ACACA: variants seen among roughly 807,000 people sequenced by gnomAD.
The protein encoded by ACACA is acetyl-CoA carboxylase 1.
In ACACA, 103 loss-of-function variants were observed where a neutral mutation model predicts 296.1. The observed-to-expected ratio is 0.35, with a 90% CI of 0.30 to 0.41. The LOEUF (loss-of-function observed/expected upper bound fraction) is 0.41. ACACA is among the 10% of genes least tolerant of loss of function. ACACA has a pLI of 1.00. For synonymous variants in ACACA, 953 were observed against 1,038.6 expected, an observed-to-expected ratio of 0.92 and a Z score of 1.58; for missense variants, 1,554 against 2,989.7, an observed-to-expected ratio of 0.52 and a Z score of 11.20.
chr17:37,294,124 GA>G (rs202223427), intron 3 of ACACA, among the ~76,000 whole-genome samples: 26 of 142,984 alleles, frequency 1.8e-4, no homozygotes, highest in East Asian at 2.0e-4. Flanking sequence ...CTCATTCGTT[GA>G]AAAAAAAAAA....
At chr17:37,270,623 A>G in intron 10 of ACACA, 128 bp downstream of exon 10, 1 of 731,474 alleles carries the variant, frequency 1.4e-6, no homozygotes, top group Non-Finnish European at 2.3e-6. Flanking sequence ...ACTAGAGAGA[A>G]AGACAGTTAG....
intron 3 of ACACA, among the ~76,000 whole-genome samples, chr17:37,321,056 C>T (rs1243506455): frequency 2.0e-5 from 3 of 151,912 alleles, no homozygotes; most frequent in Admixed American, 1.3e-4. Flanking sequence ...GCAGAGTATC[C>T]GGCATACAGT....
chr17:37,252,152 G>T, intron 15 of ACACA, 44 bp from the exon 16 acceptor site: 1 of 1,477,174 alleles, frequency 6.8e-7, no homozygotes, highest in Non-Finnish European at 9.5e-7. Context: ...ATGGTCACTT[G>T]GCACCACAGC....
At chr17:37,358,567 C>T (rs2049251619) in intron 1 of ACACA, among the ~76,000 whole-genome samples, 1 of 152,238 alleles carries the variant, frequency 6.6e-6, no homozygotes, top group African/African-American at 2.4e-5. Context: ...TCAATGCAAT[C>T]AGACCCAACC....
intron 50 of ACACA, among the ~76,000 whole-genome samples, chr17:37,119,203 A>T (rs1377050763): frequency 3.3e-5 from 5 of 152,194 alleles, no homozygotes; most frequent in Admixed American, 3.3e-4. Flanking sequence ...TCCCTTTGAT[A>T]TACTACTACC....
At chr17:37,253,497 G>A (rs1326863290) in intron 14 of ACACA, among the ~76,000 whole-genome samples, 1 of 152,338 alleles carries the variant, frequency 6.6e-6, no homozygotes, top group East Asian at 1.9e-4. Context: ...GGGTGCACAT[G>A]TCAAGTGTGC....
chr17:37,399,606 T>A (rs1200979700), intron 1 of ACACA, among the ~76,000 whole-genome samples: 1 of 151,046 alleles, frequency 6.6e-6, no homozygotes, highest in Non-Finnish European at 1.5e-5. Flanking sequence ...GTTCACCTAA[T>A]TTTTTGGGTT....
At chr17:37,088,863 T>A in intron 55 of ACACA, 75 bp downstream of exon 55, 1 of 1,558,786 alleles carries the variant, frequency 6.4e-7, no homozygotes. Flanking sequence ...GATCATCTCA[T>A]GATTTGTTTG....
At chr17:37,327,609 G>A (rs180830028) in intron 3 of ACACA, among the ~76,000 whole-genome samples, 330 of 152,326 alleles carry the variant, frequency 2.2e-3, no homozygotes, top group African/African-American at 7.7e-3. Context: ...ACTGCCTTGT[G>A]ATATCACTAG....
At chr17:37,279,877 T>C (rs1033316626) in intron 5 of ACACA, among the ~76,000 whole-genome samples, 2 of 152,278 alleles carry the variant, frequency 1.3e-5, no homozygotes, top group Admixed American at 6.5e-5. Flanking sequence ...TTTTGGTATA[T>C]ATATGTTTAA....
chr17:37,243,347 A>T, intron 22 of ACACA, 24 bp downstream of exon 22: 1 of 1,609,928 alleles, frequency 6.2e-7, no homozygotes, highest in South Asian at 1.1e-5. Flanking sequence ...GCCAGAAAAA[A>T]ATATAGTGTT....
chr17:37,312,229 A>G (rs769970649), intron 3 of ACACA, among the ~76,000 whole-genome samples: 2 of 152,244 alleles, frequency 1.3e-5, no homozygotes, highest in Non-Finnish European at 2.9e-5. Flanking sequence ...AAGGACATAA[A>G]GATGGAAAGT....
At chr17:37,356,210 C>A (rs2049134563) in intron 1 of ACACA, among the ~76,000 whole-genome samples, 3 of 151,970 alleles carry the variant, frequency 2.0e-5, no homozygotes, top group Admixed American at 6.6e-5. Context: ...AAGCAAAAAA[C>A]CAGTTAATAA....
At chr17:37,266,901 T>C (rs918702328) in intron 10 of ACACA, among the ~76,000 whole-genome samples, 1 of 152,196 alleles carries the variant, frequency 6.6e-6, no homozygotes, top group Non-Finnish European at 1.5e-5. Flanking sequence ...ATGGATCTTT[T>C]TTCCAGACTC....
chr17:37,137,200 A>G (rs1471866556), intron 45 of ACACA, among the ~76,000 whole-genome samples: 1 of 151,740 alleles, frequency 6.6e-6, no homozygotes, highest in Non-Finnish European at 1.5e-5. Flanking sequence ...TTTTCTAAAG[A>G]TGGAAAACTT....
rs978466834 is a variant in ACACA at position 37,112,025 on chromosome 17, A to T, written c.6453-382T>A. ...ACCTCCATCACGTAGGATGTACAATAATGAAGGGCAATACTTCATCAATAC... is the reference window on the plus strand; with the variant it reads ...ACCTCCATCACGTAGGATGTACAATTATGAAGGGCAATACTTCATCAATAC... On this transcript the variant is annotated intron_variant, in intron 51 of 55. Coordinates refer to ENST00000616317, the MANE Select transcript of ACACA (RefSeq NM_198834.3). Among the ~76,000 whole-genome samples the T allele has an allele frequency of 2.0e-5, 3 of 146,452 alleles. No individual in the cohort carries two copies. In the East Asian group the frequency reaches 6.1e-4, roughly 30 times the overall value.
intron 41 of ACACA, among the ~76,000 whole-genome samples, chr17:37,174,520 AT>A (rs908817876): frequency 2.2e-4 from 33 of 150,916 alleles, no homozygotes; most frequent in South Asian, 4.2e-4. Context: ...ATTGCATTCA[AT>A]TTTTTTTTCT....
chr17:37,088,597 G>A lies in ACACA; in HGVS notation c.7028+341C>T, dbSNP rs534868042. Among the ~76,000 whole-genome samples the A allele has an allele frequency of 4.4e-4, 67 of 152,310 alleles. 1 individual carries two copies. The South Asian group carries it at 0.012, about 27-fold the overall frequency. On this transcript the variant is annotated intron_variant, in intron 55 of 55. Coordinates refer to ENST00000616317, the MANE Select transcript of ACACA (RefSeq NM_198834.3). ...TACAGCTAACTCTTGGCTTCAGGAG[G>A]TGAGGAGGTGGTTTCCCAGGAAACC...
chr17:37,318,531 G>A (rs559564231), intron 3 of ACACA, among the ~76,000 whole-genome samples: 15 of 152,286 alleles, frequency 9.8e-5, no homozygotes, highest in South Asian at 4.1e-4. Flanking sequence ...GTGAGCCACC[G>A]CGCCTGGCCT....
Sources: gnomAD v4.1 joint callset for allele counts (sites outside exome capture counted in the v4.1 genomes callset) on GRCh38, gnomAD v4.1.1 for gene constraint, MANE v1.5 for transcripts, NCBI Gene and HGNC (gene_info 2026-07-23, HGNC 2026-07-21) for gene names.